Variants in SPANXN1 observed in about 807,000 individuals in gnomAD.
SPANXN1 encodes the protein SPANX family member N1.
A neutral mutation model predicts 2.0 loss-of-function variants in SPANXN1; 1 was observed. The observed-to-expected ratio is 0.50, with a 90% CI of 0.18 to 2.36. The LOEUF is 2.36. Ranked by LOEUF, SPANXN1 falls within the 30% of genes most tolerant of loss-of-function variation. SPANXN1 has a pLI of 0.26. For synonymous variants in SPANXN1, 27 were observed against 21.3 expected, an observed-to-expected ratio of 1.27 and a Z score of -0.74; for missense variants, 55 against 51.8, an observed-to-expected ratio of 1.06 and a Z score of -0.19.
At chrX:145,251,593 C>T (rs1470906653) in intron 1 of SPANXN1, among the ~76,000 whole-genome samples, 2 of 111,793 alleles carry the variant, frequency 1.8e-5, no homozygotes, top group African/African-American at 3.3e-5. Flanking sequence ...AGGCCTTGGT[C>T]GGAATGTACA....
chrX:145,248,876 T>A lies in SPANXN1; in HGVS notation c.75+1215T>A, dbSNP rs149970246. 8.4e-3 allele frequency among the ~76,000 whole-genome samples: 937 copies of A among 111,426 alleles called. 7 individuals carry two copies. The highest frequency in any genetic ancestry group is 0.028 in the African/African-American group (870 of 30,568). On this transcript the variant is annotated intron_variant, in intron 1 of 1. Coordinates refer to ENST00000370493, the MANE Select transcript of SPANXN1 (RefSeq NM_001009614.3). The stretch of plus-strand genomic sequence containing the variant: ...ATACAGGTTGCAGTTGAGGGAATTG[T>A]TTGTGCATGTTTTCCAGGGAGCGCC...
chrX:145,250,101 G>A (rs1465246611), intron 1 of SPANXN1, among the ~76,000 whole-genome samples: 1 of 111,210 alleles, frequency 9.0e-6, no homozygotes, highest in Non-Finnish European at 1.9e-5. Flanking sequence ...TGAAGATTCG[G>A]AGTGGTAAGG....
chrX:145,247,630 G>GCC lies in SPANXN1; in HGVS notation c.47_48dup (p.Cys17ProfsTer19), dbSNP rs2070767273. 1 of 1,210,663 alleles carries GCC rather than the reference G, an allele frequency of 8.3e-7. No homozygotes were observed. Among genetic ancestry groups the GCC allele is most frequent in the Non-Finnish European group, 1.1e-6 (1 of 894,707 alleles). On this transcript the variant is annotated frameshift_variant, in exon 1 of 2. Coordinates refer to ENST00000370493, the MANE Select transcript of SPANXN1 (RefSeq NM_001009614.3). LOFTEE classifies it low-confidence loss of function (END_TRUNC). The stretch of plus-strand genomic sequence containing the variant: ...AGCATCAATGGGGAGAAGAGGAAGA[G>GCC]CCCCTGTGAATCCAACAATGAAAAT...
chrX:145,249,150 G>T (rs782317230), intron 1 of SPANXN1, among the ~76,000 whole-genome samples: 15 of 111,002 alleles, frequency 1.4e-4, no homozygotes, highest in African/African-American at 4.9e-4. Context: ...TTTTCGACCA[G>T]GTTTATGTGG....
intron 1 of SPANXN1, among the ~76,000 whole-genome samples, chrX:145,251,552 G>A (rs1263156548): frequency 1.8e-5 from 2 of 111,692 alleles, no homozygotes; most frequent in Admixed American, 1.9e-4. Context: ...CTGGGGCGTC[G>A]CCGTATGTTT....
At chrX:145,252,720 T>C (rs1299724834) in intron 1 of SPANXN1, among the ~76,000 whole-genome samples, 1 of 109,030 alleles carries the variant, frequency 9.2e-6, no homozygotes, top group African/African-American at 3.4e-5. Context: ...CAGAGTAAAA[T>C]AAAAGGGGTA....
At position 145,251,130 on chromosome X, in the gene SPANXN1, C is replaced by G. The variant is rs782062957; in HGVS notation, c.75+3469C>G. ...TGCTGGACATGGCTCCCTAAAAGAG[C>G]TTCCATTAACTAACCGTGTATGTGT... On this transcript the variant is annotated intron_variant, in intron 1 of 1. Coordinates refer to ENST00000370493, the MANE Select transcript of SPANXN1 (RefSeq NM_001009614.3). Among the ~76,000 whole-genome samples, 279 of 111,665 alleles carry G rather than the reference C, an allele frequency of 2.5e-3. 2 individuals are homozygous for G. Among genetic ancestry groups the G allele is most frequent in the African/African-American group, 8.8e-3 (269 of 30,676 alleles).
rs143004346 is a variant in SPANXN1 at position 145,255,704 on chromosome X, G to A, written c.109G>A (p.Glu37Lys). ...GACACCAAACAGGGACTTAGCCCCC[G>A]AACCGAGTTTGAAAAAGATGAAAAC... ...QETPNRDLAP[E>K]PSLKKMKTSE... The change falls in exon 2 of 2, where the codon GAA becomes AAA. Residue 37 changes from glutamate (E) to lysine (K), a missense_variant. By Grantham distance (56) the Glu-to-Lys change is moderately conservative. Coordinates refer to ENST00000370493, the MANE Select transcript of SPANXN1 (RefSeq NM_001009614.3). 44 of 1,210,268 alleles carry A rather than the reference G, an allele frequency of 3.6e-5. No homozygotes were observed. The highest frequency in any genetic ancestry group is 1.0e-4 in the African/African-American group (6 of 57,247).
chrX:145,249,393 C>T (rs1409916248), intron 1 of SPANXN1, among the ~76,000 whole-genome samples: 2 of 110,806 alleles, frequency 1.8e-5, no homozygotes, highest in Non-Finnish European at 3.8e-5. Flanking sequence ...GCCCTAAAGT[C>T]ATACCTCCTG....
chrX:145,250,884 G>C (rs782285393), intron 1 of SPANXN1, among the ~76,000 whole-genome samples: 1 of 111,941 alleles, frequency 8.9e-6, no homozygotes, highest in South Asian at 3.8e-4. Flanking sequence ...TCTTGTGGAG[G>C]TTCCTTTTGT....
At chrX:145,251,672 T>A (rs1207503956) in intron 1 of SPANXN1, among the ~76,000 whole-genome samples, 1 of 111,674 alleles carries the variant, frequency 9.0e-6, no homozygotes, top group East Asian at 2.8e-4. Context: ...CATTTTTAAG[T>A]TTTTTGTTTG....
At chrX:145,249,135 G>T (rs1556882192) in intron 1 of SPANXN1, among the ~76,000 whole-genome samples, 1 of 111,121 alleles carries the variant, frequency 9.0e-6, no homozygotes, top group Admixed American at 9.6e-5. Context: ...TGAGATGCAG[G>T]TTTATTTTCG....
chrX:145,248,867 A>G (rs58559180), intron 1 of SPANXN1, among the ~76,000 whole-genome samples: 5,310 of 111,335 alleles, frequency 0.048, 321 homozygotes, highest in African/African-American at 0.16. Flanking sequence ...GTTGCAGTTG[A>G]GGGAATTGTT....
chrX:145,247,627 A>G lies in SPANXN1; in HGVS notation c.41A>G (p.Lys14Arg), dbSNP rs1556881970. Reference sequence around the variant, plus strand: ...TCAAGCATCAATGGGGAGAAGAGGAAGAGCCCCTGTGAATCCAACAATGAA... The same window carrying G: ...TCAAGCATCAATGGGGAGAAGAGGAGGAGCCCCTGTGAATCCAACAATGAA... ...PTSSINGEKR[K>R]SPCESNNEND... Residue 14 changes from lysine to arginine, a missense_variant, in exon 1 of 2, where the codon AAG becomes AGG. Physicochemically the swap from Lys to Arg is conservative, Grantham distance 26 (BLOSUM62 2). Coordinates refer to ENST00000370493, the MANE Select transcript of SPANXN1 (RefSeq NM_001009614.3). 1 of 1,210,807 alleles carries G rather than the reference A, an allele frequency of 8.3e-7. No individual in the cohort carries two copies. The highest frequency in any genetic ancestry group is 1.7e-5 in the African/African-American group (1 of 57,770).
At chrX:145,253,779 G>A (rs1318113324) in intron 1 of SPANXN1, among the ~76,000 whole-genome samples, 12 of 111,012 alleles carry the variant, frequency 1.1e-4, no homozygotes, top group Non-Finnish European at 7.5e-5. Context: ...TCCAGGGTGA[G>A]GGTAGAGGAG....
chrX:145,250,408 A>G (rs1264200139), intron 1 of SPANXN1, among the ~76,000 whole-genome samples: 1 of 111,173 alleles, frequency 9.0e-6, no homozygotes, highest in Non-Finnish European at 1.9e-5. Context: ...TGTGTTGGAA[A>G]GGAGGTGGTT....
intron 1 of SPANXN1, among the ~76,000 whole-genome samples, chrX:145,253,257 A>T (rs184748890): frequency 9.0e-6 from 1 of 110,977 alleles, no homozygotes; most frequent in Admixed American, 9.6e-5. Flanking sequence ...ACTGTCGCCA[A>T]GTTGAGGAAT....
intron 1 of SPANXN1, among the ~76,000 whole-genome samples, chrX:145,250,124 C>T (rs145180714): frequency 3.5e-3 from 389 of 111,130 alleles, no homozygotes; most frequent in African/African-American, 0.012. Context: ...TATGGAAAGC[C>T]CATTTAATGT....
chrX:145,252,152 T>C (rs1469890203), intron 1 of SPANXN1, among the ~76,000 whole-genome samples: 2 of 111,775 alleles, frequency 1.8e-5, no homozygotes, highest in African/African-American at 3.3e-5. Context: ...TCTGAATAGA[T>C]GGGGGCTATC....
Sources: gnomAD v4.1 joint callset for allele counts (sites outside exome capture counted in the v4.1 genomes callset) on GRCh38, gnomAD v4.1.1 for gene constraint, MANE v1.5 for transcripts, NCBI Gene and HGNC (gene_info 2026-07-23, HGNC 2026-07-21) for gene names.